Variants in KCNAB2 observed in about 807,000 individuals in gnomAD.
KCNAB2 encodes the protein voltage-gated potassium channel subunit beta-2.
Under a neutral mutation model 63.6 loss-of-function variants are expected in KCNAB2, and 29 were observed. The observed-to-expected ratio is 0.46, with a 90% CI of 0.34 to 0.62. The LOEUF (loss-of-function observed/expected upper bound fraction) is 0.62, where lower values mean the gene tolerates loss of function less well. Among genes scored for constraint, KCNAB2 ranks in the 20% least tolerant of loss-of-function variants. The pLI is 0.01. For synonymous variants in KCNAB2, 222 were observed against 224.2 expected, an observed-to-expected ratio of 0.99 and a Z score of 0.09; for missense variants, 359 against 563.9, an observed-to-expected ratio of 0.64 and a Z score of 3.68.
At chr1:6,044,167 T>C (rs765548414), upstream of KCNAB2, among the ~76,000 whole-genome samples, 5 of 152,112 alleles carry the variant, frequency 3.3e-5, no homozygotes, top group Non-Finnish European at 7.4e-5. Flanking sequence ...GCTGGAAATA[T>C]ATTGCCCCCA....
At chr1:6,089,099 T>C in intron 8 of KCNAB2, 48 bp downstream of exon 8, 1 of 1,530,010 alleles carries the variant, frequency 6.5e-7, no homozygotes. Flanking sequence ...TGTGGGATCA[T>C]CCTCGGAGGC....
chr1:6,015,395 C>CGTTT (rs1658434805), intron 1 of KCNAB2, among the ~76,000 whole-genome samples: 1 of 152,146 alleles, frequency 6.6e-6, no homozygotes, highest in Admixed American at 6.5e-5. Flanking sequence ...TCAGGCCCAC[C>CGTTT]GTTTGTTTTT....
chr1:6,020,668 ATTAT>A (rs1468077245), intron 1 of KCNAB2, among the ~76,000 whole-genome samples: 5 of 152,146 alleles, frequency 3.3e-5, no homozygotes, highest in African/African-American at 1.2e-4. Context: ...TTCTATTTTT[ATTAT>A]TTATTTATTT....
Position 6,074,877 on chromosome 1 carries a change from C to A in KCNAB2, c.300+1107C>A, listed in dbSNP as rs1663531928. Reference sequence around the variant, plus strand: ...GCTGAGGCAGGAGAATTGCTTGAACCCAGAAGGGGGAGGTTGCAGTGAGCC... The same window carrying A: ...GCTGAGGCAGGAGAATTGCTTGAACACAGAAGGGGGAGGTTGCAGTGAGCC... On this transcript the variant is annotated intron_variant, in intron 4 of 15. Coordinates refer to ENST00000378083, the MANE Select transcript of KCNAB2 (RefSeq NM_001199862.2). The surrounding 1 kb of genome is among the most constrained non-coding windows in gnomAD (Gnocchi z 4.9). 6.6e-6 allele frequency among the ~76,000 whole-genome samples: 1 copy of A among 151,726 alleles called. No individual in the cohort carries two copies. The highest frequency in any genetic ancestry group is 3.2e-3 in the Middle Eastern group (1 of 314).
chr1:6,025,146 C>G (rs1187030193), intron 1 of KCNAB2, among the ~76,000 whole-genome samples: 1 of 152,184 alleles, frequency 6.6e-6, no homozygotes, highest in African/African-American at 2.4e-5. Context: ...TTTTCCCTTC[C>G]TTTTCCTCTT....
At chr1:6,090,276 A>G in intron 8 of KCNAB2, 113 bp from the exon 9 acceptor site, 1 of 675,982 alleles carries the variant, frequency 1.5e-6, no homozygotes, top group Admixed American at 3.1e-5. Context: ...AAGCTTCCAG[A>G]TGCCAGAGGC....
intron 1 of KCNAB2, among the ~76,000 whole-genome samples, chr1:6,001,009 T>C (rs1446245480): frequency 1.3e-5 from 2 of 152,132 alleles, no homozygotes; most frequent in South Asian, 2.1e-4. Flanking sequence ...AAGCACTGGA[T>C]GGCTGTGGCC....
intron 1 of KCNAB2, among the ~76,000 whole-genome samples, chr1:6,013,549 G>A (rs1215885647): frequency 2.6e-5 from 4 of 152,098 alleles, no homozygotes; most frequent in Admixed American, 1.3e-4. Flanking sequence ...AGACACAGCC[G>A]CCACTGGCTC....
At chr1:6,002,864 C>T (rs1323316057) in intron 1 of KCNAB2, among the ~76,000 whole-genome samples, 1 of 152,204 alleles carries the variant, frequency 6.6e-6, no homozygotes, top group Non-Finnish European at 1.5e-5. Context: ...AAGGACTCTG[C>T]CGTCACTGTT....
chr1:6,055,719 T>TG (rs2100559204), intron 2 of KCNAB2, among the ~76,000 whole-genome samples: 1 of 149,694 alleles, frequency 6.7e-6, no homozygotes, highest in African/African-American at 2.4e-5. Flanking sequence ...AGGGTGAAGG[T>TG]GGGGCGGGGA....
At position 6,078,652 on chromosome 1, in the gene KCNAB2, A is replaced by T. The variant is rs1446688420; in HGVS notation, c.301-3543A>T. The stretch of plus-strand genomic sequence containing the variant: ...GACTTTGGCTTTGACCCTCTGCGAG[A>T]TGGAAGCCCCTGGAGGGCTTTTGCA... On this transcript the variant is annotated intron_variant, in intron 4 of 15. Coordinates refer to ENST00000378083, the MANE Select transcript of KCNAB2 (RefSeq NM_001199862.2). The surrounding 1 kb of genome is among the most constrained non-coding windows in gnomAD (Gnocchi z 4.2). Among the ~76,000 whole-genome samples, 3 of 152,120 alleles carry T rather than the reference A, an allele frequency of 2.0e-5. No homozygotes were observed. The highest frequency in any genetic ancestry group is 4.4e-5 in the Non-Finnish European group (3 of 68,012).
chr1:6,090,495 GC>G lies in KCNAB2; in HGVS notation c.601+22del. 6.3e-7 allele frequency: 1 copy of G among 1,596,934 alleles called. No homozygotes were observed. Among genetic ancestry groups the G allele is most frequent in the Non-Finnish European group, 8.6e-7 (1 of 1,166,110 alleles). On this transcript the variant is annotated intron_variant, in intron 9 of 15. Coordinates refer to ENST00000378083, the MANE Select transcript of KCNAB2 (RefSeq NM_001199862.2). ...TGGAAGGTAGGTGGTCTGCGGCGGC[GC>G]CACCGGTTAGGCCTGGGCGGGGTCT...
upstream of KCNAB2, among the ~76,000 whole-genome samples, chr1:6,032,571 G>A (rs1172697811): frequency 9.0e-6 from 1 of 111,704 alleles, no homozygotes; most frequent in African/African-American, 3.1e-5. Context: ...CTGAGACTCT[G>A]TTAAAAAAAA....
At chr1:6,059,627 G>A (rs1369904366) in intron 2 of KCNAB2, among the ~76,000 whole-genome samples, 15 of 136,374 alleles carry the variant, frequency 1.1e-4, no homozygotes, top group South Asian at 4.5e-4. Context: ...GTCTTGTTAC[G>A]TCTCAAAGGG....
chr1:6,000,698 G>A (rs948129104), intron 1 of KCNAB2, among the ~76,000 whole-genome samples: 48 of 152,084 alleles, frequency 3.2e-4, no homozygotes, highest in Admixed American at 1.1e-3. Context: ...TGGGAGAAAG[G>A]GGCCTGTTTA....
chr1:6,002,516 C>G (rs1209016111), intron 1 of KCNAB2, among the ~76,000 whole-genome samples: 1 of 152,260 alleles, frequency 6.6e-6, no homozygotes, highest in African/African-American at 2.4e-5. Flanking sequence ...TGCCTGTCAT[C>G]TGTACTGAGG....
At chr1:6,025,635 T>A (rs1659099612) in intron 1 of KCNAB2, among the ~76,000 whole-genome samples, 1 of 152,072 alleles carries the variant, frequency 6.6e-6, no homozygotes, top group African/African-American at 2.4e-5. Context: ...TGGCACAAAG[T>A]TGGGAGATGG....
intron 14 of KCNAB2, 109 bp from the exon 15 acceptor site, chr1:6,097,160 A>G: frequency 4.7e-6 from 6 of 1,280,576 alleles, no homozygotes; most frequent in Non-Finnish European, 6.3e-6. Flanking sequence ...ACCCCCTCAG[A>G]CCCCCAGACC....
At chr1:6,015,271 C>A (rs1474656515) in intron 1 of KCNAB2, among the ~76,000 whole-genome samples, 1 of 152,116 alleles carries the variant, frequency 6.6e-6, no homozygotes, top group African/African-American at 2.4e-5. Context: ...CTCCGGTGAT[C>A]CACCCACCTC....
Sources: gnomAD v4.1 joint callset for allele counts (sites outside exome capture counted in the v4.1 genomes callset) on GRCh38, gnomAD v4.1.1 for gene constraint, Gnocchi (gnomAD v3.1) non-coding constraint, MANE v1.5 for transcripts, NCBI Gene and HGNC (gene_info 2026-07-23, HGNC 2026-07-21) for gene names.